Variants in DAW1 observed in about 807,000 individuals in gnomAD.
DAW1 encodes dynein assembly factor with WD repeat domains 1.
DAW1 carries 47 observed loss-of-function variants against 56.5 expected under a neutral mutation model. That is an observed-to-expected ratio of 0.83 (90% CI 0.66 to 1.06). The LOEUF is 1.06. Ranked by LOEUF, DAW1 falls within the 50% of genes least tolerant of loss-of-function variation. DAW1 has a pLI of 0.00. For synonymous variants in DAW1, 190 were observed against 179.0 expected (o/e 1.06, Z -0.49); for missense variants, 505 against 499.3 (o/e 1.01, Z -0.11).
intron 1 of DAW1, among the ~76,000 whole-genome samples, chr2:227,884,949 C>T (rs997203840): frequency 1.3e-5 from 2 of 152,134 alleles, no homozygotes; most frequent in East Asian, 3.9e-4. Context: ...GGGGATCAGA[C>T]TGCTTGCAGG....
chr2:227,912,772 G>T (rs1691859314), intron 10 of DAW1, among the ~76,000 whole-genome samples: 1 of 152,108 alleles, frequency 6.6e-6, no homozygotes, highest in Non-Finnish European at 1.5e-5. Flanking sequence ...ATAAAAAGCT[G>T]CCATGTGTCT....
At position 227,903,110 on chromosome 2, in the gene DAW1, G is replaced by A. The variant is rs927376980; in HGVS notation, c.648+1G>A. The A allele has an allele frequency of 9.9e-6, 16 of 1,612,666 alleles. No individual in the cohort carries two copies. Among genetic ancestry groups the A allele is most frequent in the African/African-American group, 1.3e-5 (1 of 74,998 alleles). ...TGGCGAGGAAGTTTACACCTTAAGA[G>A]TATGTCAATAATGTTAATAAGCCTG... On this transcript the variant is annotated splice_donor_variant, in intron 7 of 12. Transcript: ENST00000309931. LOFTEE classifies it high-confidence loss of function.
intron 12 of DAW1, among the ~76,000 whole-genome samples, chr2:227,922,321 T>C (rs1692129154): frequency 6.6e-6 from 1 of 152,176 alleles, no homozygotes; most frequent in Admixed American, 6.5e-5. Context: ...GTATTAACCA[T>C]TTTTCAACCG....
chr2:227,898,445 C>T (rs1482014674), intron 6 of DAW1, among the ~76,000 whole-genome samples, 164 bp downstream of exon 6: 2 of 151,954 alleles, frequency 1.3e-5, no homozygotes, highest in Non-Finnish European at 2.9e-5. Context: ...CTCAGCCTCC[C>T]GAGTAGCTGG....
intron 5 of DAW1, among the ~76,000 whole-genome samples, chr2:227,894,268 A>G (rs1691354298): frequency 6.6e-6 from 1 of 151,942 alleles, no homozygotes. Context: ...GGGCTAATGT[A>G]TGTAATGTAT....
At chr2:227,907,758 G>A (rs1490725475) in intron 10 of DAW1, among the ~76,000 whole-genome samples, 1 of 152,158 alleles carries the variant, frequency 6.6e-6, no homozygotes, top group African/African-American at 2.4e-5. Flanking sequence ...ATGTTGGCCA[G>A]GCTGGTCTCG....
Position 227,921,504 on chromosome 2 carries a change from C to T in DAW1, c.1156C>T (p.His386Tyr). The change falls in exon 12 of 13, where the codon CAC becomes TAC. Residue 386 changes from histidine to tyrosine, a missense_variant. Physicochemically the swap from His to Tyr is moderately conservative, Grantham distance 83 (BLOSUM62 2). Coordinates refer to ENST00000309931, the MANE Select transcript of DAW1 (RefSeq NM_178821.3). ...TGQCLQVLEG[H>Y]TDEIFSCAFN... ...CCAGTGCCTCCAGGTTCTTGAGGGG[C>T]ACACTGATGAAATCTTTTCATGTGC... is the stretch of plus-strand genomic sequence containing the variant. The T allele has an allele frequency of 6.2e-7, 1 of 1,613,916 alleles. No individual in the cohort carries two copies. The highest frequency in any genetic ancestry group is 8.5e-7 in the Non-Finnish European group (1 of 1,179,974).
At chr2:227,900,446 T>C (rs1026836000) in intron 6 of DAW1, among the ~76,000 whole-genome samples, 1 of 152,186 alleles carries the variant, frequency 6.6e-6, no homozygotes, top group African/African-American at 2.4e-5. Context: ...CAGACACAAT[T>C]CTTACAATTC....
chr2:227,890,910 T>A (rs1034542900), intron 3 of DAW1, among the ~76,000 whole-genome samples: 6 of 152,220 alleles, frequency 3.9e-5, no homozygotes, highest in African/African-American at 1.4e-4. Context: ...GTATGTTAGA[T>A]GTTGTAGGGA....
At chr2:227,896,919 C>T (rs1186185977) in intron 5 of DAW1, among the ~76,000 whole-genome samples, 3 of 151,128 alleles carry the variant, frequency 2.0e-5, no homozygotes, top group African/African-American at 7.3e-5. Context: ...CTCATCTCTA[C>T]AAAAAATAAA....
In DAW1 at chr2:227,889,841, T is replaced by C. The variant is rs748327013; in HGVS notation, c.114-15T>C. ...GACATAAAATAAAAGAAACTCTTTT[T>C]TGGGTGTATTTCAGCACTGATGTCA... On this transcript the variant is annotated splice_polypyrimidine_tract_variant and intron_variant, in intron 2 of 12. Transcript: ENST00000309931. 14 of 1,544,626 alleles carry C rather than the reference T, an allele frequency of 9.1e-6. No homozygotes were observed. Among genetic ancestry groups the C allele is most frequent in the African/African-American group, 4.2e-5 (3 of 70,730 alleles).
chr2:227,894,032 C>A (rs1691347040), intron 5 of DAW1, 115 bp downstream of exon 5: 4 of 1,119,426 alleles, frequency 3.6e-6, no homozygotes, highest in South Asian at 1.7e-5. Flanking sequence ...TTGGTATGTG[C>A]TTTGGAAGCC....
Position 227,871,648 on chromosome 2 carries a change from A to G in DAW1, c.-42A>G. The G allele has an allele frequency of 6.2e-7, 1 of 1,607,460 alleles. No homozygotes were observed. On this transcript the variant is annotated 5_prime_UTR_variant, in exon 1 of 13. Coordinates refer to ENST00000309931, the MANE Select transcript of DAW1 (RefSeq NM_178821.3). ...GTCCCGCTGCTGTTTAGCCGTTTCCAAGGCTACGAAGCCCATCGGCCGGGG... is the reference window on the plus strand; with the variant it reads ...GTCCCGCTGCTGTTTAGCCGTTTCCGAGGCTACGAAGCCCATCGGCCGGGG...
chr2:227,920,752 C>T (rs1209342464), intron 11 of DAW1, among the ~76,000 whole-genome samples: 1 of 152,108 alleles, frequency 6.6e-6, no homozygotes, highest in Non-Finnish European at 1.5e-5. Context: ...TCTCAGCTCA[C>T]TGCAACCTCC....
intron 9 of DAW1, 93 bp from the exon 10 acceptor site, chr2:227,907,045 C>A: frequency 1.3e-6 from 1 of 772,072 alleles, no homozygotes; most frequent in Non-Finnish European, 2.1e-6. Flanking sequence ...TTTAACCAGC[C>A]ATAAGCATGT....
chr2:227,910,207 T>A (rs1340171096), intron 10 of DAW1, among the ~76,000 whole-genome samples: 4 of 152,002 alleles, frequency 2.6e-5, no homozygotes, highest in Admixed American at 2.6e-4. Flanking sequence ...ATTTCAACAC[T>A]TCGGGAGGCC....
At chr2:227,911,310 AAG>A (rs1691820882) in intron 10 of DAW1, among the ~76,000 whole-genome samples, 1 of 121,424 alleles carries the variant, frequency 8.2e-6, no homozygotes, top group African/African-American at 2.8e-5. Context: ...GTGTATGTAT[AAG>A]CATATATACA....
intron 3 of DAW1, among the ~76,000 whole-genome samples, chr2:227,890,798 G>A (rs1411602610): frequency 1.3e-5 from 2 of 152,178 alleles, no homozygotes; most frequent in Non-Finnish European, 2.9e-5. Flanking sequence ...GTTACATTTT[G>A]GTAACAGACA....
At chr2:227,911,004 C>A (rs13393851) in intron 10 of DAW1, among the ~76,000 whole-genome samples, 1 of 151,608 alleles carries the variant, frequency 6.6e-6, no homozygotes, top group Non-Finnish European at 1.5e-5. Flanking sequence ...TCCCTGATAA[C>A]ATATAACACC....
Sources: allele counts gnomAD v4.1 joint callset (sites outside exome capture counted in the v4.1 genomes callset), GRCh38; gene constraint gnomAD v4.1.1; transcripts MANE v1.5; gene names NCBI Gene and HGNC (gene_info 2026-07-23, HGNC 2026-07-21).